ELFN2: variants seen among roughly 807,000 people sequenced by gnomAD.
ELFN2 encodes the protein protein phosphatase 1 regulatory subunit 29.
Under a neutral mutation model 45.5 loss-of-function variants are expected in ELFN2, and 17 were observed. The ratio of observed to expected loss-of-function variants is 0.37; its 90% confidence interval spans 0.26 to 0.56. The LOEUF (loss-of-function observed/expected upper bound fraction) is 0.56. Ranked by LOEUF, ELFN2 falls within the 20% of genes least tolerant of loss-of-function variation. ELFN2 has a pLI of 0.77. For missense variants in ELFN2, 922 were observed against 1,183.2 expected, an observed-to-expected ratio of 0.78 and a Z score of 3.24; for synonymous variants, 550 against 551.5, an observed-to-expected ratio of 1.00 and a Z score of 0.04.
chr22:37,355,308 C>A (rs1481458394), intron 1 of ELFN2, among the ~76,000 whole-genome samples: 1 of 152,252 alleles, frequency 6.6e-6, no homozygotes, highest in Non-Finnish European at 1.5e-5. Context: ...TTCCCCACCT[C>A]GAGTCAGCCT....
intron 1 of ELFN2, among the ~76,000 whole-genome samples, chr22:37,357,071 C>T (rs941032564): frequency 6.6e-6 from 1 of 152,172 alleles, no homozygotes; most frequent in Non-Finnish European, 1.5e-5. Flanking sequence ...GCAGACCCCT[C>T]CTCTTGTTAC....
At chr22:37,396,358 C>T (rs1012718201) in intron 2 of ELFN2, among the ~76,000 whole-genome samples, 1 of 152,152 alleles carries the variant, frequency 6.6e-6, no homozygotes, top group Non-Finnish European at 1.5e-5. Flanking sequence ...CCCCGGCCCC[C>T]AACATGGGGC....
chr22:37,359,283 C>T (rs77218314), intron 1 of ELFN2, among the ~76,000 whole-genome samples: 3,976 of 152,218 alleles, frequency 0.026, 77 homozygotes, highest in Middle Eastern at 0.11. Context: ...GGTGTGAGGT[C>T]GCTGTCACTG....
intron 2 of ELFN2, among the ~76,000 whole-genome samples, chr22:37,402,647 T>A (rs1016549042): frequency 6.6e-6 from 1 of 152,144 alleles, no homozygotes; most frequent in African/African-American, 2.4e-5. Flanking sequence ...TCCCAGCCTG[T>A]CTTCTCTCCT....
chr22:37,401,702 G>T (rs548334144), intron 2 of ELFN2, among the ~76,000 whole-genome samples: 187 of 152,320 alleles, frequency 1.2e-3, no homozygotes, highest in African/African-American at 4.0e-3. Context: ...AGGTTTCCCA[G>T]TAACCAAGCC....
chr22:37,402,543 C>A (rs5995427), intron 2 of ELFN2, among the ~76,000 whole-genome samples: 76,467 of 151,928 alleles, frequency 0.5, 20,034 homozygotes, highest in African/African-American at 0.65. Flanking sequence ...CCCAGCTGAC[C>A]GATAAGGAAA....
chr22:37,426,672 CGGCAGT>C (rs1932853837), intron 1 of ELFN2, among the ~76,000 whole-genome samples: 1 of 150,918 alleles, frequency 6.6e-6, no homozygotes, highest in African/African-American at 2.4e-5. Flanking sequence ...CACACACACC[CGGCAGT>C]GGCCCCGGCC....
chr22:37,423,963 G>A (rs756764641), intron 1 of ELFN2, among the ~76,000 whole-genome samples: 16 of 152,168 alleles, frequency 1.1e-4, no homozygotes, highest in Non-Finnish European at 1.9e-4. Flanking sequence ...GGGCTGGGAC[G>A]GCAGGAGGCA....
At chr22:37,386,154 T>C (rs1413852116) in intron 2 of ELFN2, among the ~76,000 whole-genome samples, 2 of 152,116 alleles carry the variant, frequency 1.3e-5, no homozygotes, top group Admixed American at 6.5e-5. Context: ...TCCCAAACAT[T>C]ATTCCCACCC....
At chr22:37,363,455 C>T (rs1931132737), downstream of ELFN2, among the ~76,000 whole-genome samples, 1 of 152,204 alleles carries the variant, frequency 6.6e-6, no homozygotes, top group South Asian at 2.1e-4. Flanking sequence ...CTCCTTCACA[C>T]GTGACCTTGC....
At chr22:37,355,232 CA>C (rs541821813) in intron 1 of ELFN2, among the ~76,000 whole-genome samples, 1 of 152,362 alleles carries the variant, frequency 6.6e-6, no homozygotes, top group South Asian at 2.1e-4. Context: ...ACGTGGGCCA[CA>C]AGCCCATCCA....
chr22:37,407,332 T>A (rs181146975), intron 2 of ELFN2, among the ~76,000 whole-genome samples: 77 of 152,178 alleles, frequency 5.1e-4, no homozygotes, highest in Non-Finnish European at 9.9e-4. Flanking sequence ...GGGCCACTTA[T>A]TCTTCAACAA....
rs777652287 is a variant in ELFN2, at chr22:37,373,320, G to A, written c.2215C>T (p.Arg739Cys). ...GAGAGCTGCGAGTAGGTGGAGTCAC[G>A]CTTGGAGCGGGTCAGCGGCTTGAGG... Reference protein sequence around the residue: ...SFLKPLTRSKRDSTYSQLSPR... With the variant: ...SFLKPLTRSKCDSTYSQLSPR... Residue 739 changes from arginine (R) to cysteine (C), a missense_variant, in exon 3 of 3, where the codon CGT becomes TGT. Physicochemically the swap from Arg to Cys is radical, Grantham distance 180. Coordinates refer to ENST00000402918, the MANE Select transcript of ELFN2 (RefSeq NM_052906.5). The A allele has an allele frequency of 5.1e-5, 82 of 1,613,700 alleles. 1 individual carries two copies. Among genetic ancestry groups the A allele is most frequent in the South Asian group, 2.5e-4 (23 of 91,084 alleles).
At position 37,374,680 on chromosome 22, in the gene ELFN2, C is replaced by T. The variant is rs751723125; in HGVS notation, c.855G>A (p.Pro285=). The part of the protein sequence containing the change: ...FNPDEILSVE[P]PASSTTDASA... ...ACGCATCCGTGGTGGACGAGGCCGG[C>T]GGCTCCACCGAAAGGATCTCGTCGG... The change falls in exon 3 of 3, where the codon CCG becomes CCA. Residue 285 remains proline, a synonymous_variant. Transcript: ENST00000402918. 15 of 1,611,150 alleles carry T rather than the reference C, an allele frequency of 9.3e-6. No individual in the cohort carries two copies. The highest frequency in any genetic ancestry group is 4.0e-5 in the African/African-American group (3 of 74,846).
chr22:37,406,081 G>T (rs1451485242), intron 2 of ELFN2, among the ~76,000 whole-genome samples: 1 of 152,152 alleles, frequency 6.6e-6, no homozygotes, highest in African/African-American at 2.4e-5. Context: ...GGTTGAGGCT[G>T]CAATGAGCCA....
At chr22:37,422,946 G>A (rs138304031) in intron 1 of ELFN2, among the ~76,000 whole-genome samples, 5 of 128,384 alleles carry the variant, frequency 3.9e-5, no homozygotes, top group South Asian at 2.5e-4. Context: ...TGGGCCTCGG[G>A]GGGGGGGGGG....
At chr22:37,395,422 G>C (rs12157463) in intron 2 of ELFN2, among the ~76,000 whole-genome samples, 3,605 of 152,272 alleles carry the variant, frequency 0.024, 131 homozygotes, top group African/African-American at 0.082. Flanking sequence ...ACCCATCTGA[G>C]ACACGAGGGA....
intron 1 of ELFN2, among the ~76,000 whole-genome samples, chr22:37,345,362 C>T (rs1319549920): frequency 1.1e-4 from 17 of 152,206 alleles, no homozygotes; most frequent in Admixed American, 1.1e-3. Flanking sequence ...CTCTCCCTAT[C>T]TGTGTGATCT....
intron 2 of ELFN2, among the ~76,000 whole-genome samples, chr22:37,386,255 C>T (rs1281776894): frequency 6.6e-6 from 1 of 152,140 alleles, no homozygotes; most frequent in Non-Finnish European, 1.5e-5. Context: ...GAAGCCACAC[C>T]ACAGCTCACC....
Sources: gnomAD v4.1 joint callset for allele counts (sites outside exome capture counted in the v4.1 genomes callset) on GRCh38, gnomAD v4.1.1 for gene constraint, MANE v1.5 for transcripts, NCBI Gene and HGNC (gene_info 2026-07-23, HGNC 2026-07-21) for gene names.